The following CCDC32 variants were observed in gnomAD, a reference collection of about 807,000 sequenced individuals.
CCDC32 encodes coiled-coil domain-containing protein 32.
CCDC32 carries 9 observed loss-of-function variants against 20.1 expected under a neutral mutation model. The observed-to-expected ratio is 0.45, with a 90% CI of 0.27 to 0.78. The LOEUF is 0.78. CCDC32 is among the 30% of genes least tolerant of loss of function. CCDC32 has a pLI of 0.16. For synonymous variants in CCDC32, 63 were observed against 79.0 expected (o/e 0.80, Z 1.07); for missense variants, 204 against 215.5 (o/e 0.95, Z 0.33).
At chr15:40,557,184 T>C (rs767180546) in intron 3 of CCDC32, 32 bp downstream of exon 3, 8 of 1,582,338 alleles carry the variant, frequency 5.1e-6, no homozygotes, top group Non-Finnish European at 6.9e-6. Context: ...TAAAGGATGA[T>C]TTCAGCTGGA....
intron 3 of CCDC32, among the ~76,000 whole-genome samples, chr15:40,545,591 G>A (rs1889585518): frequency 6.6e-6 from 1 of 152,182 alleles, no homozygotes; most frequent in East Asian, 1.9e-4. Context: ...GCTTAGGAAA[G>A]GCTGGGGCTG....
At chr15:40,550,374 T>G (rs911056283), downstream of CCDC32, among the ~76,000 whole-genome samples, 1 of 152,228 alleles carries the variant, frequency 6.6e-6, no homozygotes, top group Non-Finnish European at 1.5e-5. Context: ...TGGAGTTCCT[T>G]GGAGTTTTCA....
Position 40,553,635 on chromosome 15 carries a change from A to C in CCDC32, c.*336T>G, listed in dbSNP as rs1890018490. 2.8e-6 allele frequency: 3 copies of C among 1,068,114 alleles called. No homozygotes were observed. The highest frequency in any genetic ancestry group is 3.4e-6 in the Non-Finnish European group (3 of 885,726). 66.2% of individuals were successfully genotyped at this position (1,068,114 alleles called of 1,614,324 possible). On this transcript the variant is annotated 3_prime_UTR_variant, in exon 4 of 4. Transcript: ENST00000416810. ...GGCCTCAGTTTCTCCAAGTACTTTC[A>C]CATTTGATCTTTAGCAGACTTCTAA...
chr15:40,553,889 C>T lies in CCDC32; in HGVS notation c.*82G>A, dbSNP rs1595890922. 1.2e-5 allele frequency: 17 copies of T among 1,443,532 alleles called. No homozygotes were observed. The East Asian group carries it at 2.0e-4, about 17-fold the overall frequency. 89.4% of individuals were successfully genotyped at this position (1,443,532 alleles called of 1,614,324 possible). A position where few individuals can be genotyped will look rare whatever the true frequency, so the allele number is the denominator to read the frequency against. ...AGCTCCACGCTGCTCGCTCTGGACC[C>T]GAGACAGCTGCTCGGCGTGTGTGTG... is the stretch of plus-strand genomic sequence containing the variant. On this transcript the variant is annotated 3_prime_UTR_variant, in exon 4 of 4. Transcript: ENST00000416810.
downstream of CCDC32, chr15:40,532,033 C>T (rs1888896739): frequency 1.9e-5 from 7 of 361,110 alleles, no homozygotes; most frequent in Admixed American, 9.2e-5. Flanking sequence ...TTTCTTCTGA[C>T]ATCTGTGCTA....
downstream of CCDC32, among the ~76,000 whole-genome samples, chr15:40,533,237 A>G (rs1888961158): frequency 6.6e-6 from 1 of 152,208 alleles, no homozygotes; most frequent in Non-Finnish European, 1.5e-5. Context: ...AGTTGGTGTC[A>G]GGGTCGGGGG....
chr15:40,563,580 A>G (rs1890801354), intron 1 of CCDC32, among the ~76,000 whole-genome samples: 1 of 152,070 alleles, frequency 6.6e-6, no homozygotes, highest in Admixed American at 6.6e-5. Flanking sequence ...AAAGTTCTGG[A>G]GGTGGATGGT....
intron 2 of CCDC32, among the ~76,000 whole-genome samples, chr15:40,562,480 T>C (rs1207127414): frequency 6.6e-6 from 1 of 152,110 alleles, no homozygotes; most frequent in African/African-American, 2.4e-5. Context: ...CTCGGTAGGC[T>C]GAGGCAGGAA....
At chr15:40,530,902 G>C (rs1346694695), downstream of CCDC32, among the ~76,000 whole-genome samples, 2 of 151,362 alleles carry the variant, frequency 1.3e-5, 1 homozygote, top group Non-Finnish European at 3.0e-5. Flanking sequence ...TAGAAACAGG[G>C]TTTTGCCATG....
intron 3 of CCDC32, among the ~76,000 whole-genome samples, chr15:40,542,441 G>A (rs74011181): frequency 0.045 from 6,791 of 152,232 alleles, 482 homozygotes; most frequent in African/African-American, 0.16. Flanking sequence ...CTCCTCTAGG[G>A]AGCATTGCAG....
At chr15:40,551,534 CTCTCT>C (rs1889864102), downstream of CCDC32, among the ~76,000 whole-genome samples, 1 of 152,110 alleles carries the variant, frequency 6.6e-6, no homozygotes, top group Non-Finnish European at 1.5e-5. Flanking sequence ...CAGAGAGCCA[CTCTCT>C]GTGTCACACG....
the CCDC32 span, among the ~76,000 whole-genome samples, chr15:40,521,428 T>C: frequency 3.4e-3 from 525 of 152,298 alleles, 1 homozygote; most frequent in African/African-American, 0.012. Context: ...GTATGGAATT[T>C]TATTTATCCA....
At position 40,563,006 on chromosome 15, in the gene CCDC32, A is replaced by G; in HGVS notation, c.10T>C (p.Phe4Leu). 1.2e-6 allele frequency: 2 copies of G among 1,614,080 alleles called. No individual in the cohort carries two copies. The highest frequency in any genetic ancestry group is 1.7e-6 in the Non-Finnish European group (2 of 1,180,014). Residue 4 changes from phenylalanine (F) to leucine (L), a missense_variant, in exon 2 of 4, where the codon TTT becomes CTT. Transcript: ENST00000416810. ...GTGGCTGTAGAGTCAGCGCTCTCAAACATTTTCATTTGGAATCTGAGCTAT... is the reference window on the plus strand; with the variant it reads ...GTGGCTGTAGAGTCAGCGCTCTCAAGCATTTTCATTTGGAATCTGAGCTAT... The part of the protein sequence containing the change: MKM[F>L]ESADSTATRS...
chr15:40,564,792 C>G (rs770292665), intron 1 of CCDC32, 184 bp downstream of exon 1: 1 of 1,614,152 alleles, frequency 6.2e-7, no homozygotes, highest in Non-Finnish European at 8.5e-7. Flanking sequence ...GCCCCTTACC[C>G]CAGGGCAGGG....
At position 40,553,919 on chromosome 15, in the gene CCDC32, TGTGTGTGTGTGTGTGTG is replaced by T; in HGVS notation, c.*35_*51del. The T allele has an allele frequency of 1.1e-5, 2 of 178,368 alleles. No individual in the cohort carries two copies. Among genetic ancestry groups the T allele is most frequent in the South Asian group, 2.4e-4 (2 of 8,242 alleles). 11.0% of individuals were successfully genotyped at this position (178,368 alleles called of 1,614,324 possible). ...CAGCTGCTCGGCGTGTGTGTGTGTG[TGTGTGTGTGTGTGTGTG>T]TGTGTGTGTGTGTGTGTGTGTGTGT... On this transcript the variant is annotated 3_prime_UTR_variant, in exon 4 of 4. Coordinates refer to ENST00000416810, the MANE Select transcript of CCDC32 (RefSeq NM_001080792.4).
chr15:40,554,013 G>A lies in CCDC32; in HGVS notation c.516C>T (p.Asp172=), dbSNP rs187392024. ...CTGGCTTGTCCCCGGCTGCTGGCTC[G>A]TCCTCGGCCACTGGCTTCTCAACCT... ...ESQVEKPVAE[D]EPAAGDKPAA... Residue 172 remains aspartate, a synonymous_variant, in exon 4 of 4, where the codon GAC becomes GAT. Transcript: ENST00000416810. 1.4e-4 allele frequency: 219 copies of A among 1,611,836 alleles called. No homozygotes were observed. In the East Asian group the frequency reaches 4.1e-3, roughly 30 times the overall value.
chr15:40,548,020 C>T (rs1253600441), intron 3 of CCDC32, among the ~76,000 whole-genome samples: 1 of 152,248 alleles, frequency 6.6e-6, no homozygotes, highest in East Asian at 1.9e-4. Flanking sequence ...ACTTGTAAGA[C>T]AGCCACATCT....
chr15:40,563,967 CTCG>C (rs1890844634), intron 1 of CCDC32, among the ~76,000 whole-genome samples: 1 of 152,068 alleles, frequency 6.6e-6, no homozygotes, highest in African/African-American at 2.4e-5. Flanking sequence ...ACTACAGGCA[CTCG>C]CCACCACGCC....
chr15:40,555,953 A>G (rs1021794358), intron 3 of CCDC32, among the ~76,000 whole-genome samples: 4 of 152,256 alleles, frequency 2.6e-5, no homozygotes, highest in Non-Finnish European at 5.9e-5. Context: ...AGTAACAGCC[A>G]ACACTTCTAT....
Sources: gnomAD v4.1 joint callset for allele counts (sites outside exome capture counted in the v4.1 genomes callset) on GRCh38, gnomAD v4.1.1 for gene constraint, MANE v1.5 for transcripts, NCBI Gene and HGNC (gene_info 2026-07-23, HGNC 2026-07-21) for gene names.